Variants in IGF2R observed in about 807,000 individuals in gnomAD.
The protein encoded by IGF2R is insulin like growth factor 2 receptor, also known as cation-independent mannose-6-phosphate receptor.
In IGF2R, 91 loss-of-function variants were observed where a neutral mutation model predicts 270.6. The observed-to-expected ratio is 0.34, with a 90% confidence interval of 0.28 to 0.40. The LOEUF is 0.40. Ranked by LOEUF, IGF2R falls within the 10% of genes least tolerant of loss-of-function variation. The pLI is 1.00. For missense variants in IGF2R, 2,805 were observed against 3,188.3 expected, an observed-to-expected ratio of 0.88 and a Z score of 2.90; for synonymous variants, 1,316 against 1,258.9, an observed-to-expected ratio of 1.05 and a Z score of -0.96.
rs1783976467 is a variant in IGF2R at position 159,991,336 on chromosome 6, A to G, written c.289+13A>G. 6.2e-7 allele frequency: 1 copy of G among 1,604,800 alleles called. No individual in the cohort carries two copies. Among genetic ancestry groups the G allele is most frequent in the Non-Finnish European group, 8.5e-7 (1 of 1,174,988 alleles). On this transcript the variant is annotated intron_variant, in intron 2 of 47. Transcript: ENST00000356956. ...TATCATTCAGTGGGTAAGTAGAACTACCTGAAATTACTGGATTGGCAATAT... is the reference window on the plus strand; with the variant it reads ...TATCATTCAGTGGGTAAGTAGAACTGCCTGAAATTACTGGATTGGCAATAT...
At position 160,050,522 on chromosome 6, in the gene IGF2R, C is replaced by T. The variant is rs538794505; in HGVS notation, c.2564C>T (p.Thr855Ile). ...ATCAGTAACTTGGGAATGGCAAAGA[C>T]CGGCCCGGTGGTTGAGGACAGCGGC... ...VSISNLGMAK[T>I]GPVVEDSGSL... Residue 855 changes from threonine (T) to isoleucine (I), a missense_variant, in exon 19 of 48, where the codon ACC (threonine) becomes ATC (isoleucine). Coordinates refer to ENST00000356956, the MANE Select transcript of IGF2R (RefSeq NM_000876.4). The surrounding 1 kb of genome is among the most constrained non-coding windows in gnomAD (Gnocchi z 4.0). 4.2e-5 allele frequency: 68 copies of T among 1,614,020 alleles called. No homozygotes were observed. The South Asian group carries it at 7.1e-4, about 17-fold the overall frequency.
Position 160,096,605 on chromosome 6 carries a change from C to T in IGF2R, c.6822C>T (p.Thr2274=), listed in dbSNP as rs200731141. The change falls in exon 45 of 48, where the codon ACC becomes ACT. Residue 2274 remains threonine, a synonymous_variant. Coordinates refer to ENST00000356956, the MANE Select transcript of IGF2R (RefSeq NM_000876.4). ...ADCQYLFSWY[T]SAVCPLGVGF... ...GCCAGTACCTCTTCTCTTGGTACACCTCAGCCGTGTGTCCTCTGGGGTGAG... is the reference window on the plus strand; with the variant it reads ...GCCAGTACCTCTTCTCTTGGTACACTTCAGCCGTGTGTCCTCTGGGGTGAG... 1 of 1,613,806 alleles carries T rather than the reference C, an allele frequency of 6.2e-7. No individual in the cohort carries two copies.
intron 1 of IGF2R, among the ~76,000 whole-genome samples, chr6:159,984,658 G>A (rs948023384): frequency 6.6e-5 from 10 of 152,202 alleles, no homozygotes; most frequent in Admixed American, 3.9e-4. Context: ...TGTAGTAGGC[G>A]ACACCATCTA....
At chr6:160,018,355 A>G (rs1777352132) in intron 4 of IGF2R, among the ~76,000 whole-genome samples, 1 of 152,222 alleles carries the variant, frequency 6.6e-6, no homozygotes, top group South Asian at 2.1e-4. Context: ...AAGATTCATA[A>G]AACAACTGCT....
Position 160,047,782 on chromosome 6 carries a change from C to T in IGF2R, c.2230-10C>T, listed in dbSNP as rs780442589. 36 of 1,559,078 alleles carry T rather than the reference C, an allele frequency of 2.3e-5. No individual in the cohort carries two copies. The highest frequency in any genetic ancestry group is 5.4e-5 in the African/African-American group (4 of 73,746). ...TTTTGCCATCCCTCCGCGCATCTGCCGTGGATTAGGAAGAGGATAACTCCA... is the reference window on the plus strand; with the variant it reads ...TTTTGCCATCCCTCCGCGCATCTGCTGTGGATTAGGAAGAGGATAACTCCA... On this transcript the variant is annotated splice_polypyrimidine_tract_variant and intron_variant, in intron 16 of 47. Coordinates refer to ENST00000356956, the MANE Select transcript of IGF2R (RefSeq NM_000876.4).
At chr6:160,023,468 G>A (rs2115222411) in intron 4 of IGF2R, among the ~76,000 whole-genome samples, 1 of 152,214 alleles carries the variant, frequency 6.6e-6, no homozygotes, top group East Asian at 1.9e-4. Context: ...AAGTGATGAT[G>A]ATAAACAACA....
chr6:160,002,134 T>C (rs562054238), intron 2 of IGF2R, among the ~76,000 whole-genome samples: 1 of 152,286 alleles, frequency 6.6e-6, no homozygotes, highest in East Asian at 1.9e-4. Flanking sequence ...CTCACACCTG[T>C]AATCACAGCA....
intron 26 of IGF2R, among the ~76,000 whole-genome samples, chr6:160,063,001 A>G (rs984250050): frequency 8.2e-6 from 1 of 122,332 alleles, no homozygotes. Flanking sequence ...TTTAATGCCC[A>G]TTTATAGCTG....
rs1329983198 is a variant in IGF2R, at chr6:159,998,149, C to T, written c.289+6826C>T. ...TTTGAGAACTCACAGAGAAAGGCCA[C>T]AAGTAATTCTGTTGGCCAGTGTTAT... On this transcript the variant is annotated intron_variant, in intron 2 of 47. Transcript: ENST00000356956. The surrounding 1 kb of genome is among the most constrained non-coding windows in gnomAD (Gnocchi z 4.1). Among the ~76,000 whole-genome samples, 1 of 152,222 alleles carries T rather than the reference C, an allele frequency of 6.6e-6. No homozygotes were observed. Among genetic ancestry groups the T allele is most frequent in the Non-Finnish European group, 1.5e-5 (1 of 68,048 alleles).
chr6:160,014,685 C>T (rs1212536698), intron 4 of IGF2R, among the ~76,000 whole-genome samples: 1 of 152,228 alleles, frequency 6.6e-6, no homozygotes, highest in Non-Finnish European at 1.5e-5. Flanking sequence ...TCTTGTCTTG[C>T]ATCCTACCCA....
Position 160,060,682 on chromosome 6 carries a change from C to A in IGF2R, c.3227C>A (p.Ala1076Asp). 1 of 1,614,260 alleles carries A rather than the reference C, an allele frequency of 6.2e-7. No individual in the cohort carries two copies. Among genetic ancestry groups the A allele is most frequent in the Non-Finnish European group, 8.5e-7 (1 of 1,180,052 alleles). Reference protein sequence around the residue: ...NTYFEFETALACVPSPVDCQV... With the variant: ...NTYFEFETALDCVPSPVDCQV... ...TACTTTGAGTTTGAAACCGCGTTGG[C>A]CTGTGTTCCTTCTCCAGTGGACTGC... Residue 1076 changes from alanine (A) to aspartate (D), a missense_variant, in exon 23 of 48, where the codon GCC becomes GAC. This residue lies in a region of IGF2R where 1,851 missense variants were observed against 2,207.2 expected (regional missense o/e 0.84). Transcript: ENST00000356956.
At position 160,104,801 on chromosome 6, in the gene IGF2R, C is replaced by A. The variant is rs771140949; in HGVS notation, c.7193C>A (p.Ala2398Asp). Residue 2398 changes from alanine to aspartate, a missense_variant, in exon 48 of 48, where the codon GCC becomes GAC. This residue lies in a region of IGF2R where 1,851 missense variants were observed against 2,207.2 expected (regional missense o/e 0.84). Coordinates refer to ENST00000356956, the MANE Select transcript of IGF2R (RefSeq NM_000876.4). ...CATATTACCACCAAGTCAGTGAAAG[C>A]CCTCAGCTCCCTGCATGGGGATGAC... is the stretch of plus-strand genomic sequence containing the variant. ...NGHITTKSVK[A>D]LSSLHGDDQD... 2 of 1,614,020 alleles carry A rather than the reference C, an allele frequency of 1.2e-6. No individual in the cohort carries two copies. The highest frequency in any genetic ancestry group is 1.3e-5 in the African/African-American group (1 of 74,914).
chr6:160,044,388 C>T (rs769867378), intron 12 of IGF2R, 126 bp from the exon 13 acceptor site: 99 of 876,200 alleles, frequency 1.1e-4, no homozygotes, highest in African/African-American at 2.1e-4. Context: ...AAGGGCTGCA[C>T]GTGCTGGGTT....
At chr6:159,982,931 T>G (rs996970641) in intron 1 of IGF2R, among the ~76,000 whole-genome samples, 1 of 152,326 alleles carries the variant, frequency 6.6e-6, no homozygotes, top group African/African-American at 2.4e-5. Context: ...AACTCCAAAT[T>G]ACATCTTGCA....
Position 160,010,701 on chromosome 6 carries a change from T to C in IGF2R, c.429T>C (p.Phe143=). The stretch of plus-strand genomic sequence containing the variant: ...TTTTTTAATAGGGAACTCCTGAATT[T>C]GTAACTGCAACAGAATGTGTGCACT... The part of the protein sequence containing the change: ...LCGKTLGTPE[F]VTATECVHYF... The change falls in exon 4 of 48, where the codon TTT becomes TTC. Residue 143 remains phenylalanine (F), a synonymous_variant. Coordinates refer to ENST00000356956, the MANE Select transcript of IGF2R (RefSeq NM_000876.4). 6.2e-7 allele frequency: 1 copy of C among 1,602,674 alleles called. No homozygotes were observed. The highest frequency in any genetic ancestry group is 8.5e-7 in the Non-Finnish European group (1 of 1,169,748).
intron 29 of IGF2R, among the ~76,000 whole-genome samples, chr6:160,065,814 G>GTATGTATATATATATATATATA (rs1778567787): frequency 1.3e-5 from 1 of 78,392 alleles, no homozygotes; most frequent in African/African-American, 5.6e-5. Context: ...GTGTGTGTGT[G>GTATGTATATATATATATATATA]TATATATATA....
chr6:160,047,285 C>T lies in IGF2R; in HGVS notation c.2178C>T (p.Leu726=), dbSNP rs930826628. ...NNERHTPRAT[L]ITFLCDRDAG... is the part of the protein sequence containing the mutation. Reference sequence around the variant, plus strand: ...AAAGACACACACCGAGAGCTACGCTCATCACCTTTCTCTGTGATCGAGACG... The same window carrying T: ...AAAGACACACACCGAGAGCTACGCTTATCACCTTTCTCTGTGATCGAGACG... Residue 726 remains leucine, a synonymous_variant, in exon 16 of 48, where the codon CTC becomes CTT. Transcript: ENST00000356956. The T allele has an allele frequency of 6.2e-7, 1 of 1,611,636 alleles. No individual in the cohort carries two copies.
At chr6:160,099,361 G>A (rs1031698400) in intron 45 of IGF2R, among the ~76,000 whole-genome samples, 1 of 151,746 alleles carries the variant, frequency 6.6e-6, no homozygotes, top group Non-Finnish European at 1.5e-5. Context: ...GTTATGTTAT[G>A]TTATGTTATG....
chr6:159,969,320 T>A lies in IGF2R; in HGVS notation c.74T>A (p.Leu25Gln). ...CGCCGCCCGCAGCGCTCTCTGCTCC[T>A]GCTGCAGCTGCTGCTGCTCGTCGCT... ...PARRPQRSLL[L>Q]LQLLLLVAAP... The change falls in exon 1 of 48, where the codon CTG becomes CAG. Residue 25 changes from leucine to glutamine, a missense_variant. Transcript: ENST00000356956. 2 of 1,298,484 alleles carry A rather than the reference T, an allele frequency of 1.5e-6. No individual in the cohort carries two copies. Among genetic ancestry groups the A allele is most frequent in the Non-Finnish European group, 2.0e-6 (2 of 1,019,318 alleles). 80.4% of individuals were successfully genotyped at this position (1,298,484 alleles called of 1,614,324 possible).
Sources: allele counts gnomAD v4.1 joint callset (sites outside exome capture counted in the v4.1 genomes callset), GRCh38; gene constraint gnomAD v4.1.1; regional missense constraint gnomAD v4.1.1; non-coding constraint Gnocchi (gnomAD v3.1); transcripts MANE v1.5; gene names NCBI Gene and HGNC (gene_info 2026-07-23, HGNC 2026-07-21).